Variants in KIAA0825 observed in about 807,000 individuals in gnomAD.
KIAA0825 encodes uncharacterized protein KIAA0825.
In KIAA0825, 119 loss-of-function variants were observed where a neutral mutation model predicts 147.6. The ratio of observed to expected loss-of-function variants is 0.81; its 90% CI spans 0.69 to 0.94. The LOEUF (loss-of-function observed/expected upper bound fraction) is 0.94. Among genes scored for constraint, KIAA0825 ranks in the 40% least tolerant of loss-of-function variants. KIAA0825 has a pLI of 0.00. For missense variants in KIAA0825, 1,381 were observed against 1,472.7 expected (o/e 0.94, Z 1.02); for synonymous variants, 470 against 518.1 (o/e 0.91, Z 1.26).
At chr5:94,188,593 G>A (rs952615931) in intron 20 of KIAA0825, among the ~76,000 whole-genome samples, 2 of 151,814 alleles carry the variant, frequency 1.3e-5, no homozygotes, top group African/African-American at 4.8e-5. Context: ...TCACATTTTT[G>A]AGTTATTCAT....
At chr5:94,585,336 G>A (rs1342751578) in intron 1 of KIAA0825, among the ~76,000 whole-genome samples, 1 of 152,180 alleles carries the variant, frequency 6.6e-6, no homozygotes. Flanking sequence ...ATAAAGGGAT[G>A]GAGGAAGATC....
Position 94,520,481 on chromosome 5 carries a change from C to G in KIAA0825, c.737G>C (p.Ser246Thr), listed in dbSNP as rs1465526692. ...TACTGAGTATAACTTAAGCATTGTA[C>G]TTTGATATCCATGAGCTATTACATC... ...NLDVIAHGYQ[S>T]TMLKLYSVIK... The change falls in exon 5 of 21, where the codon AGT becomes ACT. Residue 246 changes from serine (S) to threonine (T), a missense_variant. Physicochemically the swap from Ser to Thr is moderately conservative, Grantham distance 58 (BLOSUM62 1). Transcript: ENST00000682413. 6.2e-7 allele frequency: 1 copy of G among 1,612,960 alleles called. No individual in the cohort carries two copies. Among genetic ancestry groups the G allele is most frequent in the Admixed American group, 1.7e-5 (1 of 59,942 alleles).
At chr5:94,590,358 T>C (rs1433378227) in intron 1 of KIAA0825, among the ~76,000 whole-genome samples, 1 of 152,208 alleles carries the variant, frequency 6.6e-6, no homozygotes, top group African/African-American at 2.4e-5. Flanking sequence ...GTGTCTGGTA[T>C]ACAAGTCCTT....
intron 5 of KIAA0825, among the ~76,000 whole-genome samples, chr5:94,502,743 G>A (rs1177177451): frequency 2.6e-5 from 4 of 151,978 alleles, no homozygotes; most frequent in Admixed American, 2.0e-4. Flanking sequence ...CTTTATTTCA[G>A]ACCATCAATA....
chr5:94,433,700 C>A (rs763537171), intron 14 of KIAA0825, among the ~76,000 whole-genome samples: 1 of 152,108 alleles, frequency 6.6e-6, no homozygotes, highest in Admixed American at 6.5e-5. Flanking sequence ...AGAGCTGTTA[C>A]GAGGTTTCAA....
At chr5:94,458,282 G>T (rs1334038073) in intron 12 of KIAA0825, among the ~76,000 whole-genome samples, 1 of 152,180 alleles carries the variant, frequency 6.6e-6, no homozygotes, top group East Asian at 1.9e-4. Flanking sequence ...ATAATTTGAG[G>T]TTAGAGAATA....
chr5:94,485,204 TCA>T (rs1762904742), intron 5 of KIAA0825, among the ~76,000 whole-genome samples: 1 of 151,420 alleles, frequency 6.6e-6, no homozygotes. Flanking sequence ...TCTTGTAAAA[TCA>T]CATCTTACGC....
At chr5:94,162,381 C>T (rs1767667185) in intron 20 of KIAA0825, among the ~76,000 whole-genome samples, 1 of 151,876 alleles carries the variant, frequency 6.6e-6, no homozygotes, top group African/African-American at 2.4e-5. Context: ...TTCATTATAG[C>T]CTCAAACTGC....
chr5:94,200,368 C>T (rs532045113), intron 20 of KIAA0825, among the ~76,000 whole-genome samples: 1 of 152,256 alleles, frequency 6.6e-6, no homozygotes, highest in Admixed American at 6.5e-5. Context: ...CCTGTCAGCC[C>T]TGTGGTCTGC....
At chr5:94,493,623 G>A (rs1187988437) in intron 5 of KIAA0825, among the ~76,000 whole-genome samples, 2 of 152,034 alleles carry the variant, frequency 1.3e-5, no homozygotes, top group African/African-American at 4.8e-5. Flanking sequence ...CTAGTGTCTG[G>A]GACTACAGGC....
intron 14 of KIAA0825, among the ~76,000 whole-genome samples, chr5:94,417,567 T>C (rs17083663): frequency 0.082 from 12,441 of 152,144 alleles, 604 homozygotes; most frequent in African/African-American, 0.15. Context: ...TGGATATTTA[T>C]GGAAAAAAAC....
intron 20 of KIAA0825, among the ~76,000 whole-genome samples, chr5:94,363,010 C>G (rs1241431198): frequency 6.6e-6 from 1 of 152,172 alleles, no homozygotes; most frequent in Admixed American, 6.5e-5. Flanking sequence ...CTGAAATGAA[C>G]TTGCAGTTGT....
rs1249106866 is a variant in KIAA0825, at chr5:94,391,666, C to T, written c.3325G>A (p.Ala1109Thr). 2 of 1,548,640 alleles carry T rather than the reference C, an allele frequency of 1.3e-6. No homozygotes were observed. Among genetic ancestry groups the T allele is most frequent in the African/African-American group, 1.4e-5 (1 of 73,022 alleles). Residue 1109 changes from alanine to threonine, a missense_variant, in exon 18 of 21, where the codon GCC becomes ACC. Ala to Thr is a moderately conservative substitution (Grantham distance 58). Coordinates refer to ENST00000682413, the MANE Select transcript of KIAA0825 (RefSeq NM_001145678.3). Reference protein sequence around the residue: ...CAFMTIEKSTALQEGDVALEL... With the variant: ...CAFMTIEKSTTLQEGDVALEL... ...AGAGCAACATCTCCTTCTTGTAAGG[C>T]CGTGCTTTTCTCTATTGTCATAAAT...
At chr5:94,473,588 T>C in intron 7 of KIAA0825, 69 bp from the exon 8 acceptor site, 3 of 946,700 alleles carry the variant, frequency 3.2e-6, no homozygotes, top group Non-Finnish European at 4.8e-6. Flanking sequence ...TTGTTATAGA[T>C]ATAAAATTAT....
At chr5:94,230,027 C>T (rs2150082927) in intron 20 of KIAA0825, among the ~76,000 whole-genome samples, 1 of 152,176 alleles carries the variant, frequency 6.6e-6, no homozygotes, top group South Asian at 2.1e-4. Context: ...AAATCCAAAT[C>T]CCTAAAGAAC....
At chr5:94,193,871 T>C (rs1301151911) in intron 20 of KIAA0825, among the ~76,000 whole-genome samples, 1 of 152,148 alleles carries the variant, frequency 6.6e-6, no homozygotes, top group African/African-American at 2.4e-5. Context: ...TGAAATGTCT[T>C]AAAGATTTAG....
At chr5:94,289,300 CAG>C (rs1777784515) in intron 20 of KIAA0825, among the ~76,000 whole-genome samples, 2 of 152,040 alleles carry the variant, frequency 1.3e-5, no homozygotes, top group Admixed American at 6.6e-5. Context: ...CTTTGGGAGG[CAG>C]AGGTGGGCGG....
chr5:94,163,639 C>A (rs1031531253), intron 20 of KIAA0825, among the ~76,000 whole-genome samples: 15 of 152,142 alleles, frequency 9.9e-5, no homozygotes, highest in African/African-American at 3.6e-4. Flanking sequence ...ATTTAGTCAT[C>A]AGTAAAATAT....
At chr5:94,484,675 G>T (rs1762845016) in intron 6 of KIAA0825, 94 bp downstream of exon 6, 4 of 820,018 alleles carry the variant, frequency 4.9e-6, no homozygotes, top group South Asian at 5.3e-5. Flanking sequence ...TTTCATGTGT[G>T]TTTTTTTCAA....
Sources: allele counts gnomAD v4.1 joint callset (sites outside exome capture counted in the v4.1 genomes callset), GRCh38; gene constraint gnomAD v4.1.1; transcripts MANE v1.5; gene names NCBI Gene and HGNC (gene_info 2026-07-23, HGNC 2026-07-21).